Variants in ROR1 observed in about 807,000 individuals in gnomAD.
The protein encoded by ROR1 is inactive tyrosine-protein kinase transmembrane receptor ROR1.
A neutral mutation model predicts 78.8 loss-of-function variants in ROR1; 19 were observed. The observed-to-expected ratio is 0.24, with a 90% CI of 0.17 to 0.35. The LOEUF is 0.35. Ranked by LOEUF, ROR1 falls within the 10% of genes least tolerant of loss-of-function variation. The pLI, the probability that ROR1 is intolerant of heterozygous loss-of-function variation, is 1.00. For missense variants in ROR1, 917 were observed against 1,177.8 expected, an observed-to-expected ratio of 0.78 and a Z score of 3.24; for synonymous variants, 386 against 433.6, an observed-to-expected ratio of 0.89 and a Z score of 1.36.
chr1:64,023,320 G>A (rs1393774533), intron 2 of ROR1, among the ~76,000 whole-genome samples: 1 of 152,110 alleles, frequency 6.6e-6, no homozygotes, highest in Non-Finnish European at 1.5e-5. Context: ...TACTGAGAGA[G>A]GAATTTGGAG....
At chr1:64,138,896 C>G (rs939689431) in intron 5 of ROR1, among the ~76,000 whole-genome samples, 3 of 152,072 alleles carry the variant, frequency 2.0e-5, no homozygotes, top group Non-Finnish European at 4.4e-5. Flanking sequence ...GGCACAGTGG[C>G]TCACTCCTGT....
intron 1 of ROR1, among the ~76,000 whole-genome samples, chr1:63,883,346 G>T (rs1427988817): frequency 6.6e-6 from 1 of 151,734 alleles, no homozygotes; most frequent in Non-Finnish European, 1.5e-5. Context: ...GACTTGCTGT[G>T]ATGACAGTGG....
At chr1:63,839,202 A>C (rs188496237) in intron 1 of ROR1, among the ~76,000 whole-genome samples, 1 of 152,354 alleles carries the variant, frequency 6.6e-6, no homozygotes, top group East Asian at 1.9e-4. Context: ...GATGCTTTTA[A>C]GTAACATTTA....
At chr1:64,103,535 A>G (rs1029033966) in intron 4 of ROR1, among the ~76,000 whole-genome samples, 1 of 152,156 alleles carries the variant, frequency 6.6e-6, no homozygotes, top group Admixed American at 6.6e-5. Flanking sequence ...ATTTAACTGC[A>G]ATTATCAATT....
chr1:64,050,308 G>A lies in ROR1; in HGVS notation c.451+330G>A, dbSNP rs150111565. Among the ~76,000 whole-genome samples the A allele has an allele frequency of 1.6e-3, 246 of 152,240 alleles. 1 individual carries two copies. Among genetic ancestry groups the A allele is most frequent in the Non-Finnish European group, 2.8e-3 (192 of 68,016 alleles). On this transcript the variant is annotated intron_variant, in intron 3 of 8. Transcript: ENST00000371079. Reference sequence around the variant, plus strand: ...CCAAGAAGTTGGAAATGTTCGCAGCGTGCATGGCCCTTTTCCTGCCATCAA... The same window carrying A: ...CCAAGAAGTTGGAAATGTTCGCAGCATGCATGGCCCTTTTCCTGCCATCAA...
chr1:63,774,836 C>T lies in ROR1; in HGVS notation c.91+328C>T, dbSNP rs896375055. On this transcript the variant is annotated intron_variant, in intron 1 of 8. Coordinates refer to ENST00000371079, the MANE Select transcript of ROR1 (RefSeq NM_005012.4). The surrounding 1 kb of genome is among the most constrained non-coding windows in gnomAD (Gnocchi z 5.7). Reference sequence around the variant, plus strand: ...ATCGGGGCACTTCTGTGCAGGGCGTCCCCCCTTGTCTCCCTGGACCTCTAG... The same window carrying T: ...ATCGGGGCACTTCTGTGCAGGGCGTTCCCCCTTGTCTCCCTGGACCTCTAG... 6.6e-6 allele frequency among the ~76,000 whole-genome samples: 1 copy of T among 152,024 alleles called. No homozygotes were observed. The highest frequency in any genetic ancestry group is 2.4e-5 in the African/African-American group (1 of 41,434).
At chr1:63,885,008 T>C (rs979289674) in intron 1 of ROR1, among the ~76,000 whole-genome samples, 1 of 152,206 alleles carries the variant, frequency 6.6e-6, no homozygotes, top group African/African-American at 2.4e-5. Flanking sequence ...GTGTCTCTAA[T>C]TTCCACTCTA....
chr1:63,775,642 A>G (rs1644612236), intron 1 of ROR1, among the ~76,000 whole-genome samples: 1 of 152,200 alleles, frequency 6.6e-6, no homozygotes, highest in South Asian at 2.1e-4. Context: ...TGAGAGGAAA[A>G]AGATGTATTC....
chr1:63,805,611 A>T (rs1315948368), intron 1 of ROR1, among the ~76,000 whole-genome samples: 1 of 152,204 alleles, frequency 6.6e-6, no homozygotes, highest in Non-Finnish European at 1.5e-5. Flanking sequence ...CAAAAAGGTG[A>T]TGTCTTGGTA....
intron 4 of ROR1, among the ~76,000 whole-genome samples, chr1:64,052,155 C>T (rs1646838160): frequency 6.6e-6 from 1 of 150,560 alleles, no homozygotes; most frequent in Admixed American, 6.6e-5. Context: ...AATTTGGTCA[C>T]TCTGCCTTGC....
intron 1 of ROR1, among the ~76,000 whole-genome samples, chr1:63,940,482 CAGATAGAT>C (rs1220265909): frequency 0.012 from 994 of 81,668 alleles, 4 homozygotes; most frequent in Non-Finnish European, 0.021. Context: ...GATAGATAGA[CAGATAGAT>C]AGACAGACAG....
chr1:63,969,469 T>C (rs1044294203), intron 1 of ROR1, among the ~76,000 whole-genome samples: 2 of 152,158 alleles, frequency 1.3e-5, no homozygotes, highest in African/African-American at 4.8e-5. Flanking sequence ...TATGGACTCA[T>C]AGCACTGGTA....
intron 1 of ROR1, among the ~76,000 whole-genome samples, chr1:63,960,753 T>A (rs1646021144): frequency 6.6e-6 from 1 of 152,186 alleles, no homozygotes; most frequent in East Asian, 1.9e-4. Context: ...CAATTACTGA[T>A]ATGCTTAAAT....
At chr1:64,094,884 C>G (rs1330982069) in intron 4 of ROR1, 1 of 152,392 alleles carries the variant, frequency 6.6e-6, no homozygotes, top group Non-Finnish European at 1.5e-5. Context: ...GCCGCTGTGC[C>G]CAGTCTCCTT....
intron 1 of ROR1, among the ~76,000 whole-genome samples, chr1:63,964,326 A>G (rs1646056515): frequency 4.6e-5 from 7 of 152,196 alleles, no homozygotes; most frequent in Admixed American, 4.6e-4. Context: ...TTTCATAGCA[A>G]GAGTTCAGTG....
At chr1:63,912,962 A>G (rs1645583273) in intron 1 of ROR1, among the ~76,000 whole-genome samples, 1 of 152,120 alleles carries the variant, frequency 6.6e-6, no homozygotes, top group Non-Finnish European at 1.5e-5. Context: ...GGTTGCTGAT[A>G]GTGACACCAC....
intron 1 of ROR1, among the ~76,000 whole-genome samples, chr1:63,850,024 T>G (rs948579599): frequency 1.4e-4 from 21 of 152,356 alleles, no homozygotes; most frequent in Non-Finnish European, 2.5e-4. Context: ...GTGATGTCTT[T>G]TCATTCCCAT....
At chr1:63,944,143 T>C (rs1467471824) in intron 1 of ROR1, among the ~76,000 whole-genome samples, 2 of 152,216 alleles carry the variant, frequency 1.3e-5, no homozygotes, top group South Asian at 2.1e-4. Flanking sequence ...CTCTCATGCC[T>C]GAAATAAACT....
intron 2 of ROR1, among the ~76,000 whole-genome samples, chr1:64,026,392 A>C (rs1048274938): frequency 6.6e-6 from 1 of 152,234 alleles, no homozygotes; most frequent in Non-Finnish European, 1.5e-5. Context: ...GCAAGTGGGC[A>C]TCAATGCTAT....
Sources: allele counts gnomAD v4.1 joint callset (sites outside exome capture counted in the v4.1 genomes callset), GRCh38; gene constraint gnomAD v4.1.1; non-coding constraint Gnocchi (gnomAD v3.1); transcripts MANE v1.5; gene names NCBI Gene and HGNC (gene_info 2026-07-23, HGNC 2026-07-21).